Variants in LARP1B observed in about 807,000 individuals in gnomAD.
The protein encoded by LARP1B is la-related protein 1B.
A neutral mutation model predicts 114.2 loss-of-function variants in LARP1B; 76 were observed. The ratio of observed to expected loss-of-function variants is 0.67; its 90% CI spans 0.55 to 0.81. The LOEUF is 0.81. Among genes scored for constraint, LARP1B ranks in the 30% least tolerant of loss-of-function variants. LARP1B has a pLI of 0.00. For missense variants in LARP1B, 1,014 were observed against 1,075.8 expected, an observed-to-expected ratio of 0.94 and a Z score of 0.80; for synonymous variants, 345 against 348.0, an observed-to-expected ratio of 0.99 and a Z score of 0.10.
At chr4:128,083,389 G>A (rs1341848994) in intron 5 of LARP1B, among the ~76,000 whole-genome samples, 3 of 151,806 alleles carry the variant, frequency 2.0e-5, no homozygotes, top group Non-Finnish European at 2.9e-5. Context: ...CCCAGTAGGG[G>A]CGGCTGGGCA....
In LARP1B at chr4:128,167,037, C is replaced by T. The variant is rs1215908716; in HGVS notation, c.1648+4720C>T. The stretch of plus-strand genomic sequence containing the variant: ...ACATATATACATACACACGTGTGTA[C>T]GTATATATACACACACACACACATA... On this transcript the variant is annotated intron_variant, in intron 12 of 19. Transcript: ENST00000326639. 3.0e-5 allele frequency among the ~76,000 whole-genome samples: 4 copies of T among 132,368 alleles called. No homozygotes were observed. The East Asian group carries it at 6.5e-4, about 22-fold the overall frequency. 86.8% of individuals were successfully genotyped at this position (132,368 alleles called of 152,430 possible).
chr4:128,175,815 ATG>A (rs1745623700), intron 12 of LARP1B, among the ~76,000 whole-genome samples: 1 of 151,946 alleles, frequency 6.6e-6, no homozygotes, highest in South Asian at 2.1e-4. Flanking sequence ...CCTTTGATTT[ATG>A]CTAGTATTTT....
intron 17 of LARP1B, among the ~76,000 whole-genome samples, chr4:128,203,400 A>G (rs1055753337): frequency 4.9e-5 from 7 of 141,986 alleles, no homozygotes; most frequent in Non-Finnish European, 1.5e-5. Flanking sequence ...CTTTGAGACA[A>G]AGTCACACTG....
At chr4:128,135,098 A>T (rs1381751999) in intron 11 of LARP1B, among the ~76,000 whole-genome samples, 4 of 141,568 alleles carry the variant, frequency 2.8e-5, no homozygotes, top group East Asian at 2.1e-4. Context: ...ACTTCATCTC[A>T]AAATAAATAA....
chr4:128,182,719 C>G (rs34021656), intron 15 of LARP1B, among the ~76,000 whole-genome samples: 14 of 151,864 alleles, frequency 9.2e-5, no homozygotes, highest in Non-Finnish European at 1.8e-4. Flanking sequence ...GAGGAAGGCA[C>G]GTTGAAAGCC....
At chr4:128,087,777 G>C (rs977694369) in intron 5 of LARP1B, among the ~76,000 whole-genome samples, 1 of 152,098 alleles carries the variant, frequency 6.6e-6, no homozygotes, top group African/African-American at 2.4e-5. Context: ...TACTTGGGAG[G>C]TTGAGGCAGG....
At chr4:128,183,075 G>A (rs771894604) in intron 15 of LARP1B, among the ~76,000 whole-genome samples, 68 of 152,140 alleles carry the variant, frequency 4.5e-4, no homozygotes, top group Non-Finnish European at 8.8e-5. Flanking sequence ...CAAGGTGAAG[G>A]AGCAAGTGCT....
At chr4:128,145,961 G>T (rs1730166490) in intron 11 of LARP1B, among the ~76,000 whole-genome samples, 1 of 152,166 alleles carries the variant, frequency 6.6e-6, no homozygotes, top group Non-Finnish European at 1.5e-5. Flanking sequence ...TAAAGAAGTG[G>T]TGCAACATGA....
intron 11 of LARP1B, among the ~76,000 whole-genome samples, chr4:128,134,780 TGTGTA>T (rs1488229173): frequency 2.0e-5 from 3 of 152,076 alleles, no homozygotes; most frequent in African/African-American, 7.2e-5. Context: ...ACAGAAGACT[TGTGTA>T]GATAGTTCTC....
intron 7 of LARP1B, among the ~76,000 whole-genome samples, chr4:128,096,674 C>T (rs1029951078): frequency 9.9e-5 from 15 of 151,718 alleles, no homozygotes; most frequent in African/African-American, 2.4e-4. Context: ...AATCTTGGCT[C>T]ACTGAAAGCT....
In LARP1B at chr4:128,210,829, A is replaced by G. The variant is rs1407718905; in HGVS notation, c.*776A>G. On this transcript the variant is annotated 3_prime_UTR_variant, in exon 20 of 20. Coordinates refer to ENST00000326639, the MANE Select transcript of LARP1B (RefSeq NM_018078.4). ...TTATGATTCTATATAAACGTGCACGAGTAATTTAAAACCTGCATTGGGATT... is the reference window on the plus strand; with the variant it reads ...TTATGATTCTATATAAACGTGCACGGGTAATTTAAAACCTGCATTGGGATT... 4 of 984,004 alleles carry G rather than the reference A, an allele frequency of 4.1e-6. No individual in the cohort carries two copies. The highest frequency in any genetic ancestry group is 4.8e-6 in the Non-Finnish European group (4 of 828,972). The allele number at this position is 984,004 out of a possible 1,614,324, so 61.0% of individuals were successfully genotyped here.
At position 128,211,957 on chromosome 4, in the gene LARP1B, AGTACTT is replaced by A; in HGVS notation, c.*1907_*1912del. On this transcript the variant is annotated 3_prime_UTR_variant, in exon 20 of 20. Coordinates refer to ENST00000326639, the MANE Select transcript of LARP1B (RefSeq NM_018078.4). Reference sequence around the variant, plus strand: ...TAGAAAAGCACAAAGAAGAAAATAAAGTACTTGTTATAAAAAGAAGAAAAACCAAAA... The same window carrying A: ...TAGAAAAGCACAAAGAAGAAAATAAAGTTATAAAAAGAAGAAAAACCAAAA... 4.4e-6 allele frequency: 1 copy of A among 229,216 alleles called. No homozygotes were observed. The highest frequency in any genetic ancestry group is 2.3e-3 in the Middle Eastern group (1 of 438). 14.2% of individuals were successfully genotyped at this position (229,216 alleles called of 1,614,324 possible).
chr4:128,206,254 T>C (rs1561573499), intron 17 of LARP1B, among the ~76,000 whole-genome samples, 174 bp from the exon 18 acceptor site: 1 of 152,184 alleles, frequency 6.6e-6, no homozygotes, highest in Non-Finnish European at 1.5e-5. Flanking sequence ...GTCGCACCAT[T>C]GCACTCCAGC....
Position 128,098,339 on chromosome 4 carries a change from T to C in LARP1B, c.813+9T>C, listed in dbSNP as rs1778807033. On this transcript the variant is annotated intron_variant, in intron 8 of 19. Coordinates refer to ENST00000326639, the MANE Select transcript of LARP1B (RefSeq NM_018078.4). ...TTAATCTCATCTTAGAGGTAATTGC[T>C]CATTTGATGAACAATTTGTACTTTC... is the stretch of plus-strand genomic sequence containing the variant. The C allele has an allele frequency of 6.3e-7, 1 of 1,595,546 alleles. No homozygotes were observed. The highest frequency in any genetic ancestry group is 8.6e-7 in the Non-Finnish European group (1 of 1,169,046).
chr4:128,138,085 G>T (rs1209152231), intron 11 of LARP1B, among the ~76,000 whole-genome samples: 1 of 151,886 alleles, frequency 6.6e-6, no homozygotes, highest in Non-Finnish European at 1.5e-5. Context: ...GTTAGGAAAA[G>T]AATTAGCAAT....
chr4:128,195,425 C>T (rs1753756022), intron 15 of LARP1B, among the ~76,000 whole-genome samples: 1 of 152,140 alleles, frequency 6.6e-6, no homozygotes, highest in Admixed American at 6.5e-5. Flanking sequence ...TTCCTTCTGG[C>T]TCCCTGTGAT....
chr4:128,134,607 A>G (rs1792662328), intron 11 of LARP1B, among the ~76,000 whole-genome samples: 1 of 152,220 alleles, frequency 6.6e-6, no homozygotes, highest in African/African-American at 2.4e-5. Context: ...GGAATTCTTG[A>G]AAATTAAAAA....
At chr4:128,090,864 G>A (rs905692017) in intron 5 of LARP1B, 137 bp from the exon 6 acceptor site, 10 of 613,230 alleles carry the variant, frequency 1.6e-5, no homozygotes, top group Non-Finnish European at 2.5e-5. Flanking sequence ...TCTTCAGTTT[G>A]TATCCATCTG....
At chr4:128,155,599 C>G in intron 11 of LARP1B, 1 of 1,015,166 alleles carries the variant, frequency 9.9e-7, no homozygotes. Context: ...TCTGACCTAC[C>G]CTTAGTCCAG....
Sources: gnomAD v4.1 joint callset for allele counts (sites outside exome capture counted in the v4.1 genomes callset) on GRCh38, gnomAD v4.1.1 for gene constraint, MANE v1.5 for transcripts, NCBI Gene and HGNC (gene_info 2026-07-23, HGNC 2026-07-21) for gene names.